The following CUX2 variants were observed in gnomAD, a reference collection of about 807,000 sequenced individuals.
The protein encoded by CUX2 is cut like homeobox 2, also known as homeobox protein cut-like 2.
CUX2 carries 40 observed loss-of-function variants against 144.8 expected under a neutral mutation model. That is an observed-to-expected ratio of 0.28 (90% CI 0.21 to 0.36). The LOEUF (loss-of-function observed/expected upper bound fraction) is 0.36, where lower values mean the gene tolerates loss of function less well. Among genes scored for constraint, CUX2 ranks in the 10% least tolerant of loss-of-function variants. The probability of loss-of-function intolerance (pLI) is 1.00; values close to 1 mark genes in which losing one functional copy is unlikely to be tolerated. For missense variants in CUX2, 1,615 were observed against 1,994.0 expected (o/e 0.81, Z 3.62); for synonymous variants, 827 against 875.6 (o/e 0.94, Z 0.98).
At chr12:111,226,460 A>G (rs1486650090) in intron 3 of CUX2, among the ~76,000 whole-genome samples, 2 of 152,248 alleles carry the variant, frequency 1.3e-5, no homozygotes, top group African/African-American at 4.8e-5. Context: ...ATTAAGAACC[A>G]GCAGCAATCC....
intron 8 of CUX2, among the ~76,000 whole-genome samples, chr12:111,297,379 C>T (rs1251132937): frequency 1.3e-5 from 2 of 152,240 alleles, no homozygotes; most frequent in East Asian, 1.9e-4. Flanking sequence ...CTCTGAGTCT[C>T]GGCTGGAGGC....
intron 1 of CUX2, among the ~76,000 whole-genome samples, chr12:111,045,855 A>G (rs1362203775): frequency 1.3e-5 from 2 of 152,238 alleles, no homozygotes. Context: ...GATTTGATGC[A>G]GAGCCCATAA....
At chr12:111,242,935 C>T (rs141470979) in intron 3 of CUX2, among the ~76,000 whole-genome samples, 2,737 of 152,194 alleles carry the variant, frequency 0.018, 81 homozygotes, top group African/African-American at 0.062. Flanking sequence ...CTCCCACTTA[C>T]GAGTGTGAAC....
At chr12:111,247,785 C>T (rs909176006) in intron 3 of CUX2, among the ~76,000 whole-genome samples, 2 of 152,312 alleles carry the variant, frequency 1.3e-5, no homozygotes, top group East Asian at 3.9e-4. Context: ...CATGTTCCCC[C>T]TAGATGATGT....
intron 1 of CUX2, among the ~76,000 whole-genome samples, chr12:111,134,553 G>A (rs1875713489): frequency 6.6e-6 from 1 of 151,606 alleles, no homozygotes; most frequent in South Asian, 2.1e-4. Context: ...GCCAAAATCT[G>A]TATTAGGGTT....
chr12:111,297,973 AAGCAGGGAAGGGTGCTCCAGGC>A (rs1886093965), intron 8 of CUX2, among the ~76,000 whole-genome samples: 1 of 152,140 alleles, frequency 6.6e-6, no homozygotes, highest in Non-Finnish European at 1.5e-5. Flanking sequence ...CATGTGAAGA[AAGCAGGGAAGGGTGCTCCAGGC>A]AGCAGGAACA....
intron 20 of CUX2, 107 bp from the exon 21 acceptor site, chr12:111,341,673 C>G: frequency 7.5e-7 from 1 of 1,339,824 alleles, no homozygotes; most frequent in Non-Finnish European, 1.0e-6. Context: ...GCATGATGGC[C>G]TCCGAGTGGG....
chr12:111,261,870 A>G (rs1016326626), intron 3 of CUX2, among the ~76,000 whole-genome samples: 1 of 152,188 alleles, frequency 6.6e-6, no homozygotes, highest in African/African-American at 2.4e-5. Flanking sequence ...GTGCCACTGC[A>G]CTGCAGCCTG....
At chr12:111,303,304 C>G (rs1267770225) in intron 9 of CUX2, among the ~76,000 whole-genome samples, 1 of 151,068 alleles carries the variant, frequency 6.6e-6, no homozygotes, top group Non-Finnish European at 1.5e-5. Context: ...CACTCAAAAC[C>G]TCTTTGTGTT....
intron 1 of CUX2, among the ~76,000 whole-genome samples, chr12:111,049,163 A>G (rs1340688716): frequency 6.6e-6 from 1 of 151,958 alleles, no homozygotes; most frequent in Non-Finnish European, 1.5e-5. Context: ...CCATCCATCC[A>G]TTCATGAATT....
intron 1 of CUX2, among the ~76,000 whole-genome samples, chr12:111,138,663 T>G (rs1304928292): frequency 5.3e-5 from 8 of 151,974 alleles, no homozygotes; most frequent in Non-Finnish European, 8.8e-5. Flanking sequence ...CAGGGGACAT[T>G]GTTGGTGGCC....
chr12:111,090,510 C>G (rs910140129), intron 1 of CUX2, among the ~76,000 whole-genome samples: 6 of 152,162 alleles, frequency 3.9e-5, no homozygotes, highest in African/African-American at 1.4e-4. Context: ...AGTGATCCAC[C>G]TGCCTCAGCC....
intron 18 of CUX2, among the ~76,000 whole-genome samples, chr12:111,330,714 TATATATATA>T (rs1888065641): frequency 2.7e-5 from 1 of 36,482 alleles, no homozygotes; most frequent in Non-Finnish European, 4.9e-5. Context: ...TATATATATA[TATATATATA>T]TATATATATA....
intron 19 of CUX2, 62 bp from the exon 20 acceptor site, chr12:111,338,224 C>T: frequency 1.3e-6 from 2 of 1,504,982 alleles, no homozygotes; most frequent in Non-Finnish European, 9.0e-7. Flanking sequence ...CCATGTCTCT[C>T]CTGGGAGTAG....
intron 8 of CUX2, among the ~76,000 whole-genome samples, chr12:111,297,103 C>G (rs1297271433): frequency 6.6e-6 from 1 of 151,628 alleles, no homozygotes; most frequent in Non-Finnish European, 1.5e-5. Context: ...CCTCCTCCCT[C>G]TGACCCTCCC....
intron 1 of CUX2, among the ~76,000 whole-genome samples, chr12:111,142,056 C>T (rs959429235): frequency 6.6e-6 from 1 of 152,134 alleles, no homozygotes; most frequent in Non-Finnish European, 1.5e-5. Flanking sequence ...TGCACTCCAG[C>T]CTGGGTGACA....
At chr12:111,204,533 A>G (rs114803344) in intron 1 of CUX2, among the ~76,000 whole-genome samples, 1,541 of 152,254 alleles carry the variant, frequency 0.01, 31 homozygotes, top group African/African-American at 0.035. Context: ...TTAGGGAAAG[A>G]TTGTCCTCCA....
intron 4 of CUX2, among the ~76,000 whole-genome samples, chr12:111,266,882 C>A (rs1383995291): frequency 1.3e-5 from 2 of 152,200 alleles, no homozygotes; most frequent in Non-Finnish European, 2.9e-5. Context: ...ACATCAGCCT[C>A]ACCTGCAAGC....
intron 1 of CUX2, among the ~76,000 whole-genome samples, chr12:111,194,799 T>G (rs569161457): frequency 6.6e-6 from 1 of 152,342 alleles, no homozygotes; most frequent in East Asian, 1.9e-4. Context: ...AGAGGCTGAT[T>G]ACATGAGCAG....
Sources: gnomAD v4.1 joint callset for allele counts (sites outside exome capture counted in the v4.1 genomes callset) on GRCh38, gnomAD v4.1.1 for gene constraint, MANE v1.5 for transcripts, NCBI Gene and HGNC (gene_info 2026-07-23, HGNC 2026-07-21) for gene names.